Variants in VCL observed in about 807,000 individuals in gnomAD.
The protein encoded by VCL is epididymis luminal protein 114.
In VCL, 47 loss-of-function variants were observed where a neutral mutation model predicts 125.7. The ratio of observed to expected loss-of-function variants is 0.37; its 90% CI spans 0.30 to 0.48. The LOEUF (loss-of-function observed/expected upper bound fraction) is 0.48, where lower values mean the gene tolerates loss of function less well. VCL is among the 20% of genes least tolerant of loss of function. The pLI is 0.99. For missense variants in VCL, 1,069 were observed against 1,455.5 expected, an observed-to-expected ratio of 0.73 and a Z score of 4.32; for synonymous variants, 458 against 514.6, an observed-to-expected ratio of 0.89 and a Z score of 1.49.
At chr10:74,065,683 CAAA>C (rs34028366) in intron 2 of VCL, among the ~76,000 whole-genome samples, 1 of 113,298 alleles carries the variant, frequency 8.8e-6, no homozygotes. Context: ...GACCCTGTCT[CAAA>C]AAAAAAAAAG....
At chr10:74,117,461 C>T (rs1188185734) in intron 21 of VCL, among the ~76,000 whole-genome samples, 1 of 152,176 alleles carries the variant, frequency 6.6e-6, no homozygotes, top group Non-Finnish European at 1.5e-5. Context: ...ACGAGTCCAA[C>T]CTGGGCAACA....
At chr10:74,043,970 G>T (rs1157029731) in intron 2 of VCL, among the ~76,000 whole-genome samples, 1 of 151,950 alleles carries the variant, frequency 6.6e-6, no homozygotes, top group East Asian at 1.9e-4. Flanking sequence ...AATTAGCCAG[G>T]CGTGGTGGCG....
At position 74,095,855 on chromosome 10, in the gene VCL, G is replaced by GGT; in HGVS notation, c.1743+1_1743+2dup. 3.1e-6 allele frequency: 5 copies of GGT among 1,613,370 alleles called. No individual in the cohort carries two copies. Among genetic ancestry groups the GGT allele is most frequent in the Non-Finnish European group, 4.2e-6 (5 of 1,180,004 alleles). On this transcript the variant is annotated frameshift_variant and splice_region_variant. Transcript: ENST00000211998. LOFTEE classifies it high-confidence loss of function. ...CATCTCAGCTCCAAGACTCCTTAAAGGTAGAAGTCAGGAGCACATATCATT... is the reference window on the plus strand; with the variant it reads ...CATCTCAGCTCCAAGACTCCTTAAAGGTGTAGAAGTCAGGAGCACATATCATT...
At chr10:74,083,244 CT>C in intron 7 of VCL, 121 bp from the exon 8 acceptor site, 2 of 1,329,834 alleles carry the variant, frequency 1.5e-6, no homozygotes, top group Non-Finnish European at 1.0e-6. Flanking sequence ...GATATGTTGC[CT>C]TCTATTCACT....
At chr10:74,063,001 T>C (rs1484374227) in intron 2 of VCL, among the ~76,000 whole-genome samples, 1 of 152,032 alleles carries the variant, frequency 6.6e-6, no homozygotes, top group African/African-American at 2.4e-5. Context: ...ACCCAAGAGG[T>C]GGAGGTTGCT....
At chr10:74,102,384 G>GT (rs1840075005) in intron 14 of VCL, among the ~76,000 whole-genome samples, 1 of 151,952 alleles carries the variant, frequency 6.6e-6, no homozygotes, top group Admixed American at 6.6e-5. Flanking sequence ...TATGTGATAG[G>GT]TTTTCTTAAA....
At chr10:74,095,528 G>A in intron 11 of VCL, 128 bp from the exon 12 acceptor site, 1 of 1,189,086 alleles carries the variant, frequency 8.4e-7, no homozygotes, top group Non-Finnish European at 1.2e-6. Flanking sequence ...GGTCAAGGCT[G>A]CAATGAGCTG....
At chr10:74,058,363 G>A (rs1020408624) in intron 2 of VCL, among the ~76,000 whole-genome samples, 9 of 152,098 alleles carry the variant, frequency 5.9e-5, no homozygotes, top group Admixed American at 1.3e-4. Context: ...TACAGGGATC[G>A]TGGTATGTAA....
intron 17 of VCL, among the ~76,000 whole-genome samples, chr10:74,108,745 G>A (rs560724365): frequency 2.0e-5 from 3 of 152,342 alleles, no homozygotes; most frequent in Non-Finnish European, 2.9e-5. Flanking sequence ...CTCCCAAAGT[G>A]CTGGGATTAT....
intron 1 of VCL, among the ~76,000 whole-genome samples, chr10:74,038,118 C>A (rs1205861713): frequency 2.0e-5 from 3 of 152,050 alleles, no homozygotes; most frequent in Non-Finnish European, 4.4e-5. Context: ...CTGCCTCAGC[C>A]TCCCAAGTAG....
chr10:74,089,375 G>T (rs759740689), intron 9 of VCL, 26 bp downstream of exon 9: 113 of 1,612,606 alleles, frequency 7.0e-5, no homozygotes, highest in Non-Finnish European at 9.2e-5. Context: ...TTCAGGAGGG[G>T]TGGGAAATAT....
chr10:74,083,295 G>T, intron 7 of VCL, 71 bp from the exon 8 acceptor site: 1 of 1,593,270 alleles, frequency 6.3e-7, no homozygotes, highest in Non-Finnish European at 8.6e-7. Flanking sequence ...TGAATGAAAT[G>T]ACTTGTAAAG....
intron 16 of VCL, 24 bp downstream of exon 16, chr10:74,105,377 C>A: frequency 6.2e-7 from 1 of 1,611,840 alleles, no homozygotes; most frequent in South Asian, 1.1e-5. Context: ...GGCACTATGT[C>A]TCACCTCCAC....
chr10:74,043,970 G>A (rs1157029731), intron 2 of VCL, among the ~76,000 whole-genome samples: 1 of 151,950 alleles, frequency 6.6e-6, no homozygotes, highest in African/African-American at 2.4e-5. Context: ...AATTAGCCAG[G>A]CGTGGTGGCG....
chr10:74,098,209 C>T (rs1036280199), intron 13 of VCL, among the ~76,000 whole-genome samples: 3 of 152,158 alleles, frequency 2.0e-5, no homozygotes, highest in Non-Finnish European at 2.9e-5. Flanking sequence ...TTGTTCCAGT[C>T]TTCTCCAGAT....
At chr10:74,027,315 A>ATTTT (rs368271046) in intron 1 of VCL, among the ~76,000 whole-genome samples, 1 of 145,050 alleles carries the variant, frequency 6.9e-6, no homozygotes. Context: ...ATATTTACCC[A>ATTTT]TTTTTTTTTT....
At chr10:74,020,487 G>GT (rs1358384444) in intron 1 of VCL, among the ~76,000 whole-genome samples, 1 of 152,106 alleles carries the variant, frequency 6.6e-6, no homozygotes, top group African/African-American at 2.4e-5. Context: ...GAATGCCAGT[G>GT]TTTTTTAATG....
At chr10:74,069,901 T>A (rs1841636629) in intron 2 of VCL, among the ~76,000 whole-genome samples, 1 of 152,206 alleles carries the variant, frequency 6.6e-6, no homozygotes, top group African/African-American at 2.4e-5. Flanking sequence ...CTTTGGCTGA[T>A]CTGGTTACTT....
intron 5 of VCL, among the ~76,000 whole-genome samples, chr10:74,073,724 C>G (rs1341320752): frequency 6.6e-6 from 1 of 152,164 alleles, no homozygotes; most frequent in Non-Finnish European, 1.5e-5. Context: ...GCTGCTCTCT[C>G]GACTAGCAAA....
Sources: allele counts gnomAD v4.1 joint callset (sites outside exome capture counted in the v4.1 genomes callset), GRCh38; gene constraint gnomAD v4.1.1; transcripts MANE v1.5; gene names NCBI Gene and HGNC (gene_info 2026-07-23, HGNC 2026-07-21).